ZNF704: variants seen among roughly 807,000 people sequenced by gnomAD.
The protein encoded by ZNF704 is zinc finger protein 704, also known as glucocorticoid induced gene 1.
ZNF704 carries 10 observed loss-of-function variants against 44.7 expected under a neutral mutation model. The ratio of observed to expected loss-of-function variants is 0.22; its 90% CI spans 0.14 to 0.38. The LOEUF (loss-of-function observed/expected upper bound fraction) is 0.38. Ranked by LOEUF, ZNF704 falls within the 10% of genes least tolerant of loss-of-function variation. The probability of loss-of-function intolerance (pLI) is 1.00; values close to 1 mark genes in which losing one functional copy is unlikely to be tolerated. For missense variants in ZNF704, 390 were observed against 545.5 expected, an observed-to-expected ratio of 0.71 and a Z score of 2.84; for synonymous variants, 211 against 207.6, an observed-to-expected ratio of 1.02 and a Z score of -0.14.
intron 1 of ZNF704, among the ~76,000 whole-genome samples, chr8:80,837,837 C>T (rs1808607477): frequency 6.6e-6 from 1 of 152,148 alleles, no homozygotes; most frequent in Non-Finnish European, 1.5e-5. Flanking sequence ...GCTATGATGG[C>T]CACACAGGGC....
intron 2 of ZNF704, among the ~76,000 whole-genome samples, chr8:80,694,910 A>G (rs1818702090): frequency 6.6e-6 from 1 of 152,220 alleles, no homozygotes; most frequent in South Asian, 2.1e-4. Flanking sequence ...GAGGCTGACA[A>G]TTAAAATACT....
intron 2 of ZNF704, among the ~76,000 whole-genome samples, chr8:80,809,092 G>A (rs1808041387): frequency 6.6e-6 from 1 of 152,190 alleles, no homozygotes; most frequent in Non-Finnish European, 1.5e-5. Context: ...AGGAGTTCTA[G>A]ACCAACTTGG....
intron 2 of ZNF704, among the ~76,000 whole-genome samples, chr8:80,752,533 TAAAAAAACTTA>T (rs1448735848): frequency 1.4e-5 from 2 of 144,546 alleles, no homozygotes; most frequent in African/African-American, 5.6e-5. Flanking sequence ...GGGGTAAACT[TAAAAAAACTTA>T]AAAAAAAAAA....
chr8:80,796,931 GA>G (rs148422112), intron 2 of ZNF704, among the ~76,000 whole-genome samples: 30,529 of 128,124 alleles, frequency 0.24, 4,516 homozygotes, highest in African/African-American at 0.45. Flanking sequence ...AAAGGGAAGG[GA>G]AAAGGAAAAG....
chr8:80,884,333 G>T, the ZNF704 span, among the ~76,000 whole-genome samples: 4 of 152,036 alleles, frequency 2.6e-5, no homozygotes, highest in Admixed American at 6.6e-5. Context: ...CATTTTTGTC[G>T]CATTCCTATA....
At chr8:80,729,317 C>A (rs541532614) in intron 2 of ZNF704, among the ~76,000 whole-genome samples, 5 of 152,066 alleles carry the variant, frequency 3.3e-5, no homozygotes, top group African/African-American at 4.8e-5. Context: ...CCACAAAAGC[C>A]GGGTGGCCTC....
chr8:80,842,551 C>T (rs1284087083), intron 1 of ZNF704, among the ~76,000 whole-genome samples: 1 of 152,054 alleles, frequency 6.6e-6, no homozygotes, highest in African/African-American at 2.4e-5. Context: ...ACAGTATGGG[C>T]CACCAGCAGC....
Position 80,637,058 on chromosome 8 carries a change from T to A in ZNF704, c.*4308A>T. 4.0e-5 allele frequency: 1 copy of A among 24,732 alleles called. No individual in the cohort carries two copies. Among genetic ancestry groups the A allele is most frequent in the African/African-American group, 1.6e-4 (1 of 6,196 alleles). The allele number at this position is 24,732 out of a possible 1,614,324, so 1.5% of individuals were successfully genotyped here. On this transcript the variant is annotated 3_prime_UTR_variant, in exon 9 of 9. Coordinates refer to ENST00000327835, the MANE Select transcript of ZNF704 (RefSeq NM_001033723.3). ...GAATACCACCCCCACCCCGTCCCCC[T>A]CCCCCACCCCCAGGCATTGCACCTG...
chr8:80,837,478 T>C (rs1808601730), intron 1 of ZNF704, among the ~76,000 whole-genome samples: 1 of 152,148 alleles, frequency 6.6e-6, no homozygotes, highest in African/African-American at 2.4e-5. Flanking sequence ...AAGACATGGT[T>C]AAAGTTACAT....
At chr8:80,706,392 AC>A (rs1485581570) in intron 2 of ZNF704, among the ~76,000 whole-genome samples, 1 of 152,104 alleles carries the variant, frequency 6.6e-6, no homozygotes, top group Non-Finnish European at 1.5e-5. Flanking sequence ...AAAAGACCAG[AC>A]TTCTTATTTC....
At chr8:80,685,259 G>A (rs780161271) in intron 4 of ZNF704, among the ~76,000 whole-genome samples, 1 of 152,128 alleles carries the variant, frequency 6.6e-6, no homozygotes, top group African/African-American at 2.4e-5. Flanking sequence ...GCTAACAAGT[G>A]CAGTCTAATT....
chr8:80,855,198 T>A (rs1808938498), intron 1 of ZNF704, among the ~76,000 whole-genome samples: 1 of 152,208 alleles, frequency 6.6e-6, no homozygotes, highest in South Asian at 2.1e-4. Flanking sequence ...TGTTTTGATA[T>A]CCCAAGATAA....
chr8:80,788,676 A>G (rs1245552286), intron 2 of ZNF704, among the ~76,000 whole-genome samples: 1 of 152,222 alleles, frequency 6.6e-6, no homozygotes, highest in African/African-American at 2.4e-5. Context: ...AGGAAGGCGG[A>G]GCATGAAGTC....
chr8:80,866,723 G>T (rs532100817), intron 1 of ZNF704, among the ~76,000 whole-genome samples: 6 of 150,102 alleles, frequency 4.0e-5, no homozygotes, highest in South Asian at 4.2e-4. Flanking sequence ...TGCGGGGTTG[G>T]GGGGGGGATA....
chr8:80,734,775 T>G (rs912314998), intron 2 of ZNF704, among the ~76,000 whole-genome samples: 2 of 152,212 alleles, frequency 1.3e-5, no homozygotes, highest in Non-Finnish European at 2.9e-5. Context: ...ATGTTCAAAG[T>G]AGGTTATTTG....
chr8:80,742,571 T>C (rs1186624608), intron 2 of ZNF704, among the ~76,000 whole-genome samples: 6 of 152,176 alleles, frequency 3.9e-5, no homozygotes, highest in African/African-American at 1.4e-4. Context: ...TTGAATACAT[T>C]TGAATCCCTG....
rs80312920 is a variant in ZNF704 at position 80,806,317 on chromosome 8, C to T, written c.221+15057G>A. ...AAGATGCTCAAAATTCTTTTTGCTCCGTGAGATCTAAAACCTGACCTTGGC... is the reference window on the plus strand; with the variant it reads ...AAGATGCTCAAAATTCTTTTTGCTCTGTGAGATCTAAAACCTGACCTTGGC... On this transcript the variant is annotated intron_variant, in intron 2 of 8. Transcript: ENST00000327835. Among the ~76,000 whole-genome samples, 206 of 152,228 alleles carry T rather than the reference C, an allele frequency of 1.4e-3. 5 individuals carry two copies. In the East Asian group the frequency reaches 0.037, roughly 27 times the overall value.
intron 1 of ZNF704, among the ~76,000 whole-genome samples, chr8:80,873,267 T>C (rs919695043): frequency 1.3e-5 from 2 of 152,066 alleles, no homozygotes; most frequent in Admixed American, 1.3e-4. Context: ...AGAAGCGCCC[T>C]TTCCCGGCAC....
chr8:80,808,785 C>A (rs1323283492), intron 2 of ZNF704, among the ~76,000 whole-genome samples: 1 of 152,144 alleles, frequency 6.6e-6, no homozygotes, highest in Non-Finnish European at 1.5e-5. Context: ...TTTTGAAAAC[C>A]ACATAATGTA....
Sources: gnomAD v4.1 joint callset for allele counts (sites outside exome capture counted in the v4.1 genomes callset) on GRCh38, gnomAD v4.1.1 for gene constraint, MANE v1.5 for transcripts, NCBI Gene and HGNC (gene_info 2026-07-23, HGNC 2026-07-21) for gene names.